The following UBAP2 variants were observed in gnomAD, a reference collection of about 807,000 sequenced individuals.
UBAP2 encodes the protein ubiquitin associated protein 2, also known as ubiquitin-associated protein 2.
A neutral mutation model predicts 139.6 loss-of-function variants in UBAP2; 75 were observed. That is an observed-to-expected ratio of 0.54 (90% CI 0.45 to 0.65). The LOEUF (loss-of-function observed/expected upper bound fraction) is 0.65, where lower values mean the gene tolerates loss of function less well. UBAP2 is among the 30% of genes least tolerant of loss of function. UBAP2 has a pLI of 0.00. For missense variants in UBAP2, 1,368 were observed against 1,369.6 expected, an observed-to-expected ratio of 1.00 and a Z score of 0.02; for synonymous variants, 526 against 526.2, an observed-to-expected ratio of 1.00 and a Z score of 0.01.
chr9:33,995,039 T>A (rs1301344541), intron 4 of UBAP2: 1 of 152,122 alleles, frequency 6.6e-6, no homozygotes, highest in Admixed American at 6.6e-5. Flanking sequence ...TAATCTACTC[T>A]AAAATAGTTT....
intron 10 of UBAP2, among the ~76,000 whole-genome samples, chr9:33,958,109 C>G (rs1826719658): frequency 6.6e-6 from 1 of 151,994 alleles, no homozygotes; most frequent in African/African-American, 2.4e-5. Context: ...CTACAGGCAC[C>G]TGCCATCACA....
chr9:33,996,107 A>C, intron 4 of UBAP2, 116 bp downstream of exon 4: 1 of 707,654 alleles, frequency 1.4e-6, no homozygotes, highest in South Asian at 2.0e-5. Flanking sequence ...ACTTAAAACA[A>C]ATATGGAATG....
At chr9:33,923,094 CAG>C in intron 26 of UBAP2, 61 bp from the exon 27 acceptor site, 2 of 1,612,932 alleles carry the variant, frequency 1.2e-6, no homozygotes, top group South Asian at 2.2e-5. Flanking sequence ...TCCCCACCTC[CAG>C]GATCACTCAG....
In UBAP2 at chr9:33,922,161, C is replaced by A. The variant is rs758061328; in HGVS notation, c.*343G>T. On this transcript the variant is annotated 3_prime_UTR_variant, in exon 29 of 29. Transcript: ENST00000379238. ...TGAACCAGCCCTTCCAGAGACTGCCCCTAGTGGCCCACTGGGCAGTGCAGG... is the reference window on the plus strand; with the variant it reads ...TGAACCAGCCCTTCCAGAGACTGCCACTAGTGGCCCACTGGGCAGTGCAGG... 2.2e-5 allele frequency: 6 copies of A among 270,670 alleles called. No individual in the cohort carries two copies. The highest frequency in any genetic ancestry group is 9.5e-5 in the East Asian group (1 of 10,478). 16.8% of individuals were successfully genotyped at this position (270,670 alleles called of 1,614,324 possible).
At position 33,992,806 on chromosome 9, in the gene UBAP2, G is replaced by A. The variant is rs918475050; in HGVS notation, c.288+3417C>T. On this transcript the variant is annotated intron_variant, in intron 4 of 28. Transcript: ENST00000379238. Reference sequence around the variant, plus strand: ...TTAAAAAGTTAACCAAGTAATTATGGAGGATTTCCAAGAGAATTTCTGGCA... The same window carrying A: ...TTAAAAAGTTAACCAAGTAATTATGAAGGATTTCCAAGAGAATTTCTGGCA... Among the ~76,000 whole-genome samples, 5 of 152,146 alleles carry A rather than the reference G, an allele frequency of 3.3e-5. No individual in the cohort carries two copies. The East Asian group carries it at 7.7e-4, about 23-fold the overall frequency.
intron 13 of UBAP2, among the ~76,000 whole-genome samples, chr9:33,946,112 A>G (rs1825633686): frequency 6.6e-6 from 1 of 152,228 alleles, no homozygotes; most frequent in Non-Finnish European, 1.5e-5. Context: ...ACAAACTAAA[A>G]TGATACAAAT....
intron 1 of UBAP2, among the ~76,000 whole-genome samples, chr9:34,042,598 G>A (rs1235293645): frequency 6.6e-6 from 1 of 151,578 alleles, no homozygotes; most frequent in Non-Finnish European, 1.5e-5. Context: ...ACCACCCTGG[G>A]CAACATAGCT....
intron 13 of UBAP2, among the ~76,000 whole-genome samples, chr9:33,947,612 A>G (rs1243383274): frequency 1.3e-5 from 2 of 152,062 alleles, no homozygotes; most frequent in Non-Finnish European, 2.9e-5. Flanking sequence ...ACCTTAGTCC[A>G]GGAGTTCCAG....
intron 16 of UBAP2, 77 bp downstream of exon 16, chr9:33,941,572 A>T: frequency 8.1e-7 from 1 of 1,238,598 alleles, no homozygotes; most frequent in Non-Finnish European, 1.2e-6. Context: ...ATCATATCCA[A>T]GAAGCATAAT....
chr9:34,042,435 GC>G, intron 1 of UBAP2, among the ~76,000 whole-genome samples: 1 of 149,918 alleles, frequency 6.7e-6, no homozygotes, highest in South Asian at 2.1e-4. Context: ...CTGAGATCGG[GC>G]CACTACACTT....
intron 8 of UBAP2, among the ~76,000 whole-genome samples, chr9:33,970,105 T>TA: frequency 6.8e-6 from 1 of 146,102 alleles, no homozygotes; most frequent in East Asian, 2.1e-4. Flanking sequence ...AACTTTTTAA[T>TA]TTTTTTTTTG....
At chr9:34,042,782 T>A (rs557519065) in intron 1 of UBAP2, among the ~76,000 whole-genome samples, 29 of 151,630 alleles carry the variant, frequency 1.9e-4, no homozygotes, top group African/African-American at 6.5e-4. Context: ...TTTTTTTTTT[T>A]AATTTTACAT....
Position 33,971,714 on chromosome 9 carries a change from C to A in UBAP2, c.616G>T (p.Asp206Tyr). The change falls in exon 8 of 29, where the codon GAT becomes TAT. Residue 206 changes from aspartate to tyrosine, a missense_variant. By Grantham distance (160) the Asp-to-Tyr change is radical. Coordinates refer to ENST00000379238, the MANE Select transcript of UBAP2 (RefSeq NM_001370062.2). ...ACTACTAGCTTTGTCCCACACACAT[C>A]TGTAGATGTAGAATCTGAATAGTCT... Reference protein sequence around the residue: ...PADYSDSTSTDVCGTKLVVWE... With the variant: ...PADYSDSTSTYVCGTKLVVWE... The A allele has an allele frequency of 2.5e-6, 4 of 1,612,598 alleles. No individual in the cohort carries two copies. Among genetic ancestry groups the A allele is most frequent in the Non-Finnish European group, 3.4e-6 (4 of 1,178,586 alleles).
At position 33,921,990 on chromosome 9, in the gene UBAP2, G is replaced by A. The variant is rs2130838673; in HGVS notation, c.*514C>T. On this transcript the variant is annotated 3_prime_UTR_variant, in exon 29 of 29. Coordinates refer to ENST00000379238, the MANE Select transcript of UBAP2 (RefSeq NM_001370062.2). ...TGCTATTCCCAGATGAAGATTTGGT[G>A]GAAGGAGACCATGACAGATGACAAA... 6.5e-6 allele frequency: 1 copy of A among 154,512 alleles called. No homozygotes were observed. The highest frequency in any genetic ancestry group is 1.4e-5 in the Non-Finnish European group (1 of 69,654). The allele number at this position is 154,512 out of a possible 1,614,324, so 9.6% of individuals were successfully genotyped here. A position where few individuals can be genotyped will look rare whatever the true frequency, so the allele number is the denominator to read the frequency against.
In UBAP2 at chr9:34,035,512, A is replaced by ATATATATATATAT. The variant is rs1554692765; in HGVS notation, c.-42+13312_-42+13313insATATATATATATA. On this transcript the variant is annotated intron_variant, in intron 1 of 28. Transcript: ENST00000379238. ...GCGAGACTCCATCTAAAAAAAAAAA[A>ATATATATATATAT]AAATATATATATATAAAGATTAGCC... Among the ~76,000 whole-genome samples the ATATATATATATAT allele has an allele frequency of 9.5e-3, 36 of 3,792 alleles. 2 individuals are homozygous for ATATATATATATAT. The highest frequency in any genetic ancestry group is 0.014 in the Admixed American group (6 of 436). The allele number at this position is 3,792 out of a possible 152,430, so 2.5% of individuals were successfully genotyped here.
chr9:33,950,960 G>C (rs901725520), intron 12 of UBAP2, among the ~76,000 whole-genome samples: 2 of 152,200 alleles, frequency 1.3e-5, no homozygotes, highest in African/African-American at 4.8e-5. Flanking sequence ...CAAAGATGAG[G>C]ACATGTTTTG....
chr9:33,953,023 CCA>C (rs1826236527), intron 12 of UBAP2, among the ~76,000 whole-genome samples: 1 of 152,100 alleles, frequency 6.6e-6, no homozygotes, highest in Non-Finnish European at 1.5e-5. Context: ...GCACACAACA[CCA>C]CACTCAGCTA....
intron 1 of UBAP2, among the ~76,000 whole-genome samples, chr9:34,037,752 C>T (rs1826565294): frequency 6.6e-6 from 1 of 151,976 alleles, no homozygotes; most frequent in Non-Finnish European, 1.5e-5. Flanking sequence ...CAGTAGTGTA[C>T]TTCAGTCACA....
chr9:34,039,239 C>T (rs1346845345), intron 1 of UBAP2, among the ~76,000 whole-genome samples: 3 of 146,544 alleles, frequency 2.0e-5, no homozygotes, highest in East Asian at 2.1e-4. Flanking sequence ...AGTTGGGGGG[C>T]GCCTCCGCCT....
Sources: gnomAD v4.1 joint callset for allele counts (sites outside exome capture counted in the v4.1 genomes callset) on GRCh38, gnomAD v4.1.1 for gene constraint, MANE v1.5 for transcripts, NCBI Gene and HGNC (gene_info 2026-07-23, HGNC 2026-07-21) for gene names.